Variants in KLHL4 observed in about 807,000 individuals in gnomAD.
The protein encoded by KLHL4 is kelch-like protein 4.
In KLHL4, 17 loss-of-function variants were observed where a neutral mutation model predicts 45.8. That is an observed-to-expected ratio of 0.37 (90% CI 0.25 to 0.56). KLHL4 has a LOEUF of 0.56. Ranked by LOEUF, KLHL4 falls within the 20% of genes least tolerant of loss-of-function variation. The probability of loss-of-function intolerance (pLI) is 0.79; values close to 1 mark genes in which losing one functional copy is unlikely to be tolerated. For missense variants in KLHL4, 544 were observed against 544.9 expected (o/e 1.00, Z 0.02); for synonymous variants, 224 against 189.9 (o/e 1.18, Z -1.47).
At chrX:87,570,440 G>T (rs1164391546) in intron 1 of KLHL4, among the ~76,000 whole-genome samples, 1 of 110,499 alleles carries the variant, frequency 9.0e-6, no homozygotes, top group Non-Finnish European at 1.9e-5. Flanking sequence ...GCAGGTTCAT[G>T]GAATTGAGAG....
At chrX:87,580,111 T>A (rs1436415198) in intron 1 of KLHL4, among the ~76,000 whole-genome samples, 4 of 108,738 alleles carry the variant, frequency 3.7e-5, no homozygotes, top group Non-Finnish European at 5.7e-5. Flanking sequence ...ATATGTAGAG[T>A]TTTGTAAATG....
intron 1 of KLHL4, among the ~76,000 whole-genome samples, chrX:87,547,938 T>C (rs1174793515): frequency 8.9e-6 from 1 of 112,053 alleles, no homozygotes; most frequent in Non-Finnish European, 1.9e-5. Flanking sequence ...GGGGTAGAAA[T>C]TTTAATCAAA....
Position 87,669,507 on chromosome X carries a change from C to G in KLHL4, c.*2973C>G. Reference sequence around the variant, plus strand: ...GAAAGACAGTTTCCTTCTGGAGTTCCAAATGCAATATAGAAAAAAAAACCC... The same window carrying G: ...GAAAGACAGTTTCCTTCTGGAGTTCGAAATGCAATATAGAAAAAAAAACCC... On this transcript the variant is annotated 3_prime_UTR_variant, in exon 11 of 11. Transcript: ENST00000373119. The G allele has an allele frequency of 1.1e-6, 1 of 896,625 alleles. No homozygotes were observed. The highest frequency in any genetic ancestry group is 1.5e-6 in the Non-Finnish European group (1 of 677,518). The allele number at this position is 896,625 out of a possible 1,213,427, so 73.9% of individuals were successfully genotyped here.
chrX:87,626,023 G>A (rs1473978431), intron 6 of KLHL4, among the ~76,000 whole-genome samples: 1 of 111,972 alleles, frequency 8.9e-6, no homozygotes, highest in Non-Finnish European at 1.9e-5. Context: ...TACAGAAGCT[G>A]TTTTAAGATT....
chrX:87,637,032 C>A (rs1923284975), intron 9 of KLHL4, among the ~76,000 whole-genome samples: 1 of 111,457 alleles, frequency 9.0e-6, no homozygotes, highest in Admixed American at 9.5e-5. Context: ...TAGCTGGAGG[C>A]CAACCAACAC....
intron 6 of KLHL4, among the ~76,000 whole-genome samples, chrX:87,627,078 C>T (rs1470669259): frequency 2.7e-5 from 3 of 111,582 alleles, no homozygotes; most frequent in Non-Finnish European, 5.7e-5. Context: ...AATTATTTAT[C>T]GTTCCATCTG....
At chrX:87,588,809 GAGAAGGAGAGGA>G (rs1310245731) in intron 1 of KLHL4, among the ~76,000 whole-genome samples, 1 of 109,306 alleles carries the variant, frequency 9.1e-6, no homozygotes, top group Admixed American at 9.9e-5. Context: ...GAAGGAGAAG[GAGAAGGAGAGGA>G]AGAGGAAGAG....
chrX:87,564,982 C>A (rs1932176655), intron 1 of KLHL4, among the ~76,000 whole-genome samples: 1 of 111,622 alleles, frequency 9.0e-6, no homozygotes, highest in African/African-American at 3.3e-5. Flanking sequence ...CTGACCACAT[C>A]AGAATGAAAG....
chrX:87,611,194 A>G (rs1922360058), intron 1 of KLHL4, among the ~76,000 whole-genome samples: 1 of 112,280 alleles, frequency 8.9e-6, no homozygotes, highest in Non-Finnish European at 1.9e-5. Context: ...AATTTCCTTA[A>G]TGTATGGCAT....
intron 1 of KLHL4, among the ~76,000 whole-genome samples, chrX:87,585,431 A>G (rs1921435967): frequency 8.9e-6 from 1 of 111,949 alleles, no homozygotes; most frequent in South Asian, 3.6e-4. Context: ...GACATAGTAC[A>G]ATACGATATA....
intron 9 of KLHL4, among the ~76,000 whole-genome samples, chrX:87,646,968 G>A (rs1923659139): frequency 9.0e-6 from 1 of 110,856 alleles, no homozygotes; most frequent in Non-Finnish European, 1.9e-5. Context: ...TCCTACAGAG[G>A]GGGAGAAAAT....
At chrX:87,566,429 C>T (rs918828866) in intron 1 of KLHL4, among the ~76,000 whole-genome samples, 1 of 111,771 alleles carries the variant, frequency 8.9e-6, no homozygotes, top group Non-Finnish European at 1.9e-5. Flanking sequence ...AATACACCTA[C>T]TGAAAATCAT....
chrX:87,598,996 G>GA (rs753110436), intron 1 of KLHL4, among the ~76,000 whole-genome samples: 5 of 109,279 alleles, frequency 4.6e-5, no homozygotes, highest in Non-Finnish European at 9.5e-5. Flanking sequence ...ATAACCATAG[G>GA]AAAAAAAATT....
chrX:87,619,428 T>C (rs758995964), intron 4 of KLHL4, among the ~76,000 whole-genome samples: 18 of 111,926 alleles, frequency 1.6e-4, no homozygotes, highest in African/African-American at 5.5e-4. Context: ...ACAATACCAT[T>C]ATATGGAGAA....
intron 1 of KLHL4, among the ~76,000 whole-genome samples, chrX:87,609,302 A>T (rs1394200405): frequency 1.8e-5 from 2 of 112,049 alleles, no homozygotes; most frequent in Admixed American, 1.9e-4. Context: ...GTCAAATGAC[A>T]TTTCTAGTTC....
At chrX:87,631,679 A>T (rs1923099838) in intron 6 of KLHL4, among the ~76,000 whole-genome samples, 1 of 111,629 alleles carries the variant, frequency 9.0e-6, no homozygotes, top group Non-Finnish European at 1.9e-5. Flanking sequence ...ACACAGCTAA[A>T]GGCCCGTTTA....
At chrX:87,617,353 AC>A (rs1215054980) in intron 3 of KLHL4, among the ~76,000 whole-genome samples, 1 of 109,710 alleles carries the variant, frequency 9.1e-6, no homozygotes, top group Non-Finnish European at 1.9e-5. Context: ...TAATGTAGAT[AC>A]AAAAAAAAAA....
rs1192009207 is a variant in KLHL4 at position 87,518,144 on chromosome X, A to G, written c.251A>G (p.His84Arg). Residue 84 changes from histidine to arginine, a missense_variant, in exon 1 of 11, where the codon CAT (histidine) becomes CGT (arginine). Physicochemically the swap from His to Arg is conservative, Grantham distance 29. Transcript: ENST00000373119. ...LAPVPGPAPAHQRAVQNLQQH... is the reference protein window; with the variant it reads ...LAPVPGPAPARQRAVQNLQQH... ...CCAGTGCCAGGACCGGCCCCTGCCC[A>G]TCAGAGAGCCGTTCAGAATTTGCAG... 2 of 1,212,121 alleles carry G rather than the reference A, an allele frequency of 1.7e-6. No homozygotes were observed. The highest frequency in any genetic ancestry group is 1.1e-6 in the Non-Finnish European group (1 of 895,601).
Position 87,666,462 on chromosome X carries a change from T to C in KLHL4, c.2098-13T>C, listed in dbSNP as rs1372349738. 2 of 1,173,615 alleles carry C rather than the reference T, an allele frequency of 1.7e-6. No individual in the cohort carries two copies. The highest frequency in any genetic ancestry group is 2.3e-6 in the Non-Finnish European group (2 of 865,513). On this transcript the variant is annotated splice_polypyrimidine_tract_variant and intron_variant, in intron 10 of 10. Coordinates refer to ENST00000373119, the MANE Select transcript of KLHL4 (RefSeq NM_019117.5). ...AGTTCCAACAGTGTTTTGTTTCTTA[T>C]TTTGTGTTTTAGGAAGTTCCTGTTA... is the stretch of plus-strand genomic sequence containing the variant.
Sources: gnomAD v4.1 joint callset for allele counts (sites outside exome capture counted in the v4.1 genomes callset) on GRCh38, gnomAD v4.1.1 for gene constraint, MANE v1.5 for transcripts, NCBI Gene and HGNC (gene_info 2026-07-23, HGNC 2026-07-21) for gene names.